CEP295NL: variants seen among roughly 807,000 people sequenced by gnomAD.
CEP295NL encodes the protein CEP295 N-terminal like, also known as protein DDC8 homolog.
A neutral mutation model predicts 4.6 loss-of-function variants in CEP295NL; 3 were observed. That is an observed-to-expected ratio of 0.65 (90% confidence interval 0.30 to 1.69). The LOEUF is 1.69. CEP295NL is among the 40% of genes most tolerant of loss of function. The probability of loss-of-function intolerance (pLI) is 0.10; values close to 1 mark genes in which losing one functional copy is unlikely to be tolerated. For synonymous variants in CEP295NL, 295 were observed against 312.2 expected (o/e 0.94, Z 0.58); for missense variants, 719 against 769.0 (o/e 0.93, Z 0.77).
intron 2 of CEP295NL, among the ~76,000 whole-genome samples, chr17:78,895,373 A>T (rs1296750726): frequency 6.6e-6 from 1 of 152,226 alleles, no homozygotes; most frequent in African/African-American, 2.4e-5. Context: ...GCACATAAAA[A>T]CATGTTCAAC....
intron 2 of CEP295NL, chr17:78,897,095 ACC>A: frequency 1.6e-6 from 1 of 628,460 alleles, no homozygotes; most frequent in African/African-American, 2.1e-5. Flanking sequence ...CACAGACAGC[ACC>A]CCCCCGCCCC....
At chr17:78,892,660 G>A in intron 2 of CEP295NL, 1 of 738,264 alleles carries the variant, frequency 1.4e-6, no homozygotes, top group Non-Finnish European at 2.1e-6. Flanking sequence ...AGAGCCTGTA[G>A]GGCAGCTGTT....
At position 78,891,891 on chromosome 17, in the gene CEP295NL, G is replaced by C. The variant is rs1310160519; in HGVS notation, c.613C>G (p.Gln205Glu). 6.4e-7 allele frequency: 1 copy of C among 1,550,638 alleles called. No individual in the cohort carries two copies. Among genetic ancestry groups the C allele is most frequent in the Non-Finnish European group, 8.7e-7 (1 of 1,147,000 alleles). Reference sequence around the variant, plus strand: ...ATCCGACCCGTGGCTTTTGTAGTCTGTGGTTTCTCTGGACTCGCTGCTGTC... The same window carrying C: ...ATCCGACCCGTGGCTTTTGTAGTCTCTGGTTTCTCTGGACTCGCTGCTGTC... ...RKTAASPEKPQTTKATGRMNS... is the reference protein window; with the variant it reads ...RKTAASPEKPETTKATGRMNS... Residue 205 changes from glutamine (Q) to glutamate (E), a missense_variant, in exon 3 of 3, where the codon CAG (glutamine) becomes GAG (glutamate). By Grantham distance (29) the Gln-to-Glu change is conservative. Transcript: ENST00000322630. This position sits in a 1 kb window ranked among gnomAD's most constrained non-coding sequence, Gnocchi z 4.5.
At chr17:78,900,642 C>T (rs1040928568) in intron 2 of CEP295NL, among the ~76,000 whole-genome samples, 1 of 152,122 alleles carries the variant, frequency 6.6e-6, no homozygotes, top group Non-Finnish European at 1.5e-5. Context: ...CACACCTGAC[C>T]TTATCAATTC....
intron 1 of CEP295NL, 143 bp from the exon 2 acceptor site, chr17:78,902,069 A>C (rs541259270): frequency 6.1e-6 from 3 of 493,664 alleles, no homozygotes; most frequent in South Asian, 2.8e-5. Context: ...CTTCTCCCCA[A>C]CTCTTAGCCA....
intron 2 of CEP295NL, chr17:78,900,883 G>T (rs1370131207): frequency 2.0e-5 from 3 of 152,284 alleles, no homozygotes; most frequent in African/African-American, 7.2e-5. Flanking sequence ...TGGGCCACCA[G>T]AAGGGCCAAC....
rs2069883652 is a variant in CEP295NL at position 78,891,053 on chromosome 17, G to C, written c.1451C>G (p.Ser484Cys). The stretch of plus-strand genomic sequence containing the variant: ...CTGGTCTTGAAGGTGGAGCTGAAGG[G>C]AGCCCTCTGCCAGCGTGCCCAGTTT... ...TPKLGTLAEG[S>C]LQLHLQDQAD... is the part of the protein sequence containing the mutation. The change falls in exon 3 of 3, where the codon TCC becomes TGC. Residue 484 changes from serine to cysteine, a missense_variant. By Grantham distance (112) the Ser-to-Cys change is moderately radical. Transcript: ENST00000322630. This position sits in a 1 kb window ranked among gnomAD's most constrained non-coding sequence, Gnocchi z 4.5. 6.4e-7 allele frequency: 1 copy of C among 1,550,964 alleles called. No homozygotes were observed. The highest frequency in any genetic ancestry group is 1.4e-5 in the African/African-American group (1 of 73,034).
At chr17:78,897,685 G>A (rs1284336988) in intron 2 of CEP295NL, 2 of 152,276 alleles carry the variant, frequency 1.3e-5, no homozygotes, top group African/African-American at 4.8e-5. Flanking sequence ...CCATCCCTGA[G>A]GACAATGGCA....
intron 2 of CEP295NL, 139 bp from the exon 3 acceptor site, chr17:78,892,598 C>T: frequency 7.8e-7 from 1 of 1,285,222 alleles, no homozygotes; most frequent in African/African-American, 1.5e-5. Flanking sequence ...TGACCCGTGC[C>T]CACCAGGGCC....
chr17:78,891,679 C>G lies in CEP295NL; in HGVS notation c.825G>C (p.Arg275=). 6.4e-7 allele frequency: 1 copy of G among 1,551,154 alleles called. No homozygotes were observed. Among genetic ancestry groups the G allele is most frequent in the Admixed American group, 2.0e-5 (1 of 51,002 alleles). Residue 275 remains arginine, a synonymous_variant, in exon 3 of 3, where the codon CGG becomes CGC. Coordinates refer to ENST00000322630, the MANE Select transcript of CEP295NL (RefSeq NM_001243540.2). This position sits in a 1 kb window ranked among gnomAD's most constrained non-coding sequence, Gnocchi z 4.5. ...CCTTTCCCAGTTGCCTCCTCCCCGC[C>G]CGAGCTGTTCCTTTCTCTTTTTCCT... is the stretch of plus-strand genomic sequence containing the variant. ...LVEEKEKGTA[R]AGRRQLGKGA... is the part of the protein sequence containing the mutation.
intron 2 of CEP295NL, among the ~76,000 whole-genome samples, chr17:78,894,006 T>C (rs910047804): frequency 1.8e-4 from 27 of 152,152 alleles, no homozygotes; most frequent in Non-Finnish European, 3.7e-4. Flanking sequence ...TTCATCTTAG[T>C]CTATGTGGAA....
At chr17:78,900,683 C>T (rs1000401364) in intron 2 of CEP295NL, among the ~76,000 whole-genome samples, 46 of 152,304 alleles carry the variant, frequency 3.0e-4, no homozygotes, top group African/African-American at 1.1e-3. Flanking sequence ...ATACAGATAA[C>T]CCTTGGGGGA....
In CEP295NL at chr17:78,892,282, C is replaced by T. The variant is rs774869018; in HGVS notation, c.222G>A (p.Leu74=). The T allele has an allele frequency of 9.0e-6, 14 of 1,550,644 alleles. No homozygotes were observed. The South Asian group carries it at 1.3e-4, about 14-fold the overall frequency. The change falls in exon 3 of 3, where the codon CTG becomes CTA. Residue 74 remains leucine, a synonymous_variant. Transcript: ENST00000322630. ...WLSLCPDNED[L]LWRKKHKLLQ... ...GCAATTTGTGCTTTTTCCTCCAAAG[C>T]AGGTCTTCGTTATCAGGACAGAGGC...
intron 2 of CEP295NL, among the ~76,000 whole-genome samples, chr17:78,893,207 G>GCA (rs1301294305): frequency 7.6e-6 from 1 of 132,446 alleles, no homozygotes; most frequent in Non-Finnish European, 1.6e-5. Context: ...AAGGATGTGT[G>GCA]TGCATGTGTG....
At position 78,891,905 on chromosome 17, in the gene CEP295NL, C is replaced by G. The variant is rs773913971; in HGVS notation, c.599G>C (p.Ser200Thr). 2 of 1,550,588 alleles carry G rather than the reference C, an allele frequency of 1.3e-6. No individual in the cohort carries two copies. The highest frequency in any genetic ancestry group is 1.7e-6 in the Non-Finnish European group (2 of 1,146,976). The change falls in exon 3 of 3, where the codon AGT (serine) becomes ACT (threonine). Residue 200 changes from serine to threonine, a missense_variant. Ser to Thr is a moderately conservative substitution (Grantham distance 58, BLOSUM62 1). Coordinates refer to ENST00000322630, the MANE Select transcript of CEP295NL (RefSeq NM_001243540.2). The surrounding 1 kb of genome is among the most constrained non-coding windows in gnomAD (Gnocchi z 4.5). ...TTTTGTAGTCTGTGGTTTCTCTGGA[C>G]TCGCTGCTGTCTTCCGGGGCCTGGA... is the stretch of plus-strand genomic sequence containing the variant. The part of the protein sequence containing the change: ...RHSRPRKTAA[S>T]PEKPQTTKAT...
At chr17:78,893,756 G>A (rs2069955885) in intron 2 of CEP295NL, among the ~76,000 whole-genome samples, 1 of 152,050 alleles carries the variant, frequency 6.6e-6, no homozygotes, top group African/African-American at 2.4e-5. Context: ...ATGACTCCCA[G>A]CTCTTTCCTT....
In CEP295NL at chr17:78,896,276, G is replaced by GC. The variant is rs1394163751; in HGVS notation, c.45-3818dup. ...GGGAAAGCAACAGAGCCTTAGCTGA[G>GC]CCCAAGATGACCAAGGAGAAACAGC... On this transcript the variant is annotated intron_variant, in intron 2 of 2. Coordinates refer to ENST00000322630, the MANE Select transcript of CEP295NL (RefSeq NM_001243540.2). This position sits in a 1 kb window ranked among gnomAD's most constrained non-coding sequence, Gnocchi z 4.4. 2.0e-5 allele frequency among the ~76,000 whole-genome samples: 3 copies of GC among 152,214 alleles called. No homozygotes were observed. The highest frequency in any genetic ancestry group is 4.4e-5 in the Non-Finnish European group (3 of 68,044).
rs904864000 is a variant in CEP295NL at position 78,896,137 on chromosome 17, T to A, written c.45-3678A>T. On this transcript the variant is annotated intron_variant, in intron 2 of 2. Transcript: ENST00000322630. This position sits in a 1 kb window ranked among gnomAD's most constrained non-coding sequence, Gnocchi z 4.4. ...CGATCCCCGCTCTGACACCATCAGA[T>A]GCAACCTCGTCCCCGCTACCCCAGC... is the stretch of plus-strand genomic sequence containing the variant. 1.3e-5 allele frequency among the ~76,000 whole-genome samples: 2 copies of A among 152,222 alleles called. No homozygotes were observed. Among genetic ancestry groups the A allele is most frequent in the African/African-American group, 4.8e-5 (2 of 41,458 alleles).
At chr17:78,902,860 CA>C (rs1396151355) in intron 1 of CEP295NL, 1 of 152,386 alleles carries the variant, frequency 6.6e-6, no homozygotes, top group African/African-American at 2.4e-5. Flanking sequence ...CCCCCCAGCC[CA>C]ACTCCTCCAA....
Sources: gnomAD v4.1 joint callset for allele counts (sites outside exome capture counted in the v4.1 genomes callset) on GRCh38, gnomAD v4.1.1 for gene constraint, Gnocchi (gnomAD v3.1) non-coding constraint, MANE v1.5 for transcripts, NCBI Gene and HGNC (gene_info 2026-07-23, HGNC 2026-07-21) for gene names.